PMPCA: variants seen among roughly 807,000 people sequenced by gnomAD.
PMPCA encodes peptidase, mitochondrial processing subunit alpha.
Under a neutral mutation model 59.3 loss-of-function variants are expected in PMPCA, and 47 were observed. The observed-to-expected ratio is 0.79, with a 90% confidence interval of 0.63 to 1.01. The LOEUF (loss-of-function observed/expected upper bound fraction) is 1.01, where lower values mean the gene tolerates loss of function less well. Ranked by LOEUF, PMPCA falls within the 50% of genes least tolerant of loss-of-function variation. The pLI is 0.00. For synonymous variants in PMPCA, 338 were observed against 290.3 expected (o/e 1.16, Z -1.67); for missense variants, 726 against 704.5 (o/e 1.03, Z -0.34).
rs1178224732 is a variant in PMPCA, at chr9:136,414,598, C to T, written c.483C>T (p.Asp161=). The change falls in exon 5 of 13, where the codon GAC becomes GAT. Residue 161 remains aspartate (D), a synonymous_variant. Coordinates refer to ENST00000371717, the MANE Select transcript of PMPCA (RefSeq NM_015160.3). ...TGTCTGCTGATAGCAAAGGCTTGGA[C>T]ACGGTGGTTGCCTTACTGGCTGATG... ...YAVSADSKGL[D]TVVALLADVV... The T allele has an allele frequency of 6.2e-7, 1 of 1,613,778 alleles. No homozygotes were observed. The highest frequency in any genetic ancestry group is 1.7e-5 in the Admixed American group (1 of 60,026).
At chr9:136,411,706 T>TA (rs1450748927) in intron 1 of PMPCA, among the ~76,000 whole-genome samples, 1 of 152,238 alleles carries the variant, frequency 6.6e-6, no homozygotes, top group African/African-American at 2.4e-5. Context: ...GCAGAGCTGT[T>TA]AAGTGCTTTA....
chr9:136,410,693 A>G lies in PMPCA; in HGVS notation c.25A>G (p.Thr9Ala), dbSNP rs1835070193. ...GATGGCGGCTGTGGTGCTGGCGGCG[A>G]CGCGGTTGCTGCGGGGCTCGGGTTC... MAAVVLAA[T>A]RLLRGSGSWG... is the part of the protein sequence containing the mutation. The change falls in exon 1 of 13, where the codon ACG becomes GCG. Residue 9 changes from threonine (T) to alanine (A), a missense_variant. Physicochemically the swap from Thr to Ala is moderately conservative, Grantham distance 58. Transcript: ENST00000371717. 1 of 1,417,212 alleles carries G rather than the reference A, an allele frequency of 7.1e-7. No individual in the cohort carries two copies. 87.8% of individuals were successfully genotyped at this position (1,417,212 alleles called of 1,614,324 possible).
At chr9:136,416,915 C>T (rs758366041) in intron 6 of PMPCA, 36 bp from the exon 7 acceptor site, 10 of 1,576,208 alleles carry the variant, frequency 6.3e-6, no homozygotes, top group Non-Finnish European at 6.9e-6. Context: ...GTCATGCTGT[C>T]TTCAGTCACC....
chr9:136,416,308 A>G lies in PMPCA; in HGVS notation c.550A>G (p.Thr184Ala). 6.2e-7 allele frequency: 1 copy of G among 1,613,676 alleles called. No individual in the cohort carries two copies. Among genetic ancestry groups the G allele is most frequent in the South Asian group, 1.1e-5 (1 of 91,052 alleles). Residue 184 changes from threonine (T) to alanine (A), a missense_variant, in exon 6 of 13, where the codon ACG becomes GCG. Transcript: ENST00000371717. The stretch of plus-strand genomic sequence containing the variant: ...TCTTGCAGATGAAGAAGTCGAGATG[A>G]CGCGGATGGCGGTCCAGTTTGAGCT... ...PRLTDEEVEM[T>A]RMAVQFELED...
intron 8 of PMPCA, among the ~76,000 whole-genome samples, 200 bp downstream of exon 8, chr9:136,418,309 C>T (rs896411106): frequency 7.3e-5 from 11 of 150,962 alleles, no homozygotes; most frequent in African/African-American, 2.0e-4. Context: ...CTGTCCCTGG[C>T]GTCTGACGGC....
In PMPCA at chr9:136,419,026, T is replaced by G. The variant is rs1835368615; in HGVS notation, c.1201-18T>G. The G allele has an allele frequency of 1.2e-6, 2 of 1,613,052 alleles. No individual in the cohort carries two copies. The highest frequency in any genetic ancestry group is 1.1e-5 in the South Asian group (1 of 91,068). On this transcript the variant is annotated intron_variant, in intron 10 of 12. Transcript: ENST00000371717. ...GCAGGCGCAGGCCACACTGTTATCG[T>G]CTTGCCCTTCTTCGCAGGTTCGAGA...
rs145113059 is a variant in PMPCA, at chr9:136,423,464, C to T, written c.*200C>T. 9 of 587,408 alleles carry T rather than the reference C, an allele frequency of 1.5e-5. No individual in the cohort carries two copies. Among genetic ancestry groups the T allele is most frequent in the Middle Eastern group, 9.3e-4 (2 of 2,142 alleles). The allele number at this position is 587,408 out of a possible 1,614,324, so 36.4% of individuals were successfully genotyped here. On this transcript the variant is annotated 3_prime_UTR_variant, in exon 13 of 13. Coordinates refer to ENST00000371717, the MANE Select transcript of PMPCA (RefSeq NM_015160.3). ...TGGAGTCAGTATCGAGCCTGACCAC[C>T]GCAAGCCAGGAAGCAGGTGAAGTGC...
Position 136,417,211 on chromosome 9 carries a change from C to T in PMPCA, c.894C>T (p.Ala298=). Residue 298 remains alanine (A), a synonymous_variant, in exon 7 of 13, where the codon GCC becomes GCT. Transcript: ENST00000371717. ...TGGCCCAGTACACTGGGGGGATTGC[C>T]AAGGTGAAGTAGCGGGAACGTCTCA... The part of the protein sequence containing the change: ...RSVAQYTGGI[A]KLERDMSNVS... 6.4e-7 allele frequency: 1 copy of T among 1,570,336 alleles called. No homozygotes were observed. The highest frequency in any genetic ancestry group is 8.7e-7 in the Non-Finnish European group (1 of 1,152,180).
rs1156902497 is a variant in PMPCA at position 136,422,470 on chromosome 9, C to A, written c.1408+494C>A. On this transcript the variant is annotated intron_variant, in intron 12 of 12. Transcript: ENST00000371717. ...ATGTGCATCGGACTCTTCTGGGGGA[C>A]AGGCTTAAAACCTGGCAAGGCTGCC... 3 of 1,046,858 alleles carry A rather than the reference C, an allele frequency of 2.9e-6. No homozygotes were observed. The East Asian group carries it at 2.6e-4, about 92-fold the overall frequency. The allele number at this position is 1,046,858 out of a possible 1,614,324, so 64.8% of individuals were successfully genotyped here.
At chr9:136,411,286 G>T (rs1197879223) in intron 1 of PMPCA, 1 of 153,816 alleles carries the variant, frequency 6.5e-6, no homozygotes, top group Admixed American at 6.5e-5. Flanking sequence ...GGGTGCGGAG[G>T]TGCTGCCTCC....
chr9:136,417,771 GT>G (rs61320665), intron 7 of PMPCA, among the ~76,000 whole-genome samples: 41,543 of 146,498 alleles, frequency 0.28, 5,753 homozygotes, highest in African/African-American at 0.3. Flanking sequence ...ATATACATAT[GT>G]TTTTTTTTTT....
In PMPCA at chr9:136,410,718, C is replaced by A; in HGVS notation, c.50C>A (p.Ser17Tyr). The part of the protein sequence containing the change: ...AATRLLRGSG[S>Y]WGCSRLRFGP... ...ACGCGGTTGCTGCGGGGCTCGGGTT[C>A]TTGGGGCTGTTCGCGGCTGAGGTGA... is the stretch of plus-strand genomic sequence containing the variant. The change falls in exon 1 of 13, where the codon TCT (serine) becomes TAT (tyrosine). Residue 17 changes from serine to tyrosine, a missense_variant. By Grantham distance (144) the Ser-to-Tyr change is moderately radical (BLOSUM62 -2). Coordinates refer to ENST00000371717, the MANE Select transcript of PMPCA (RefSeq NM_015160.3). 1 of 1,431,624 alleles carries A rather than the reference C, an allele frequency of 7.0e-7. No homozygotes were observed. The highest frequency in any genetic ancestry group is 9.1e-7 in the Non-Finnish European group (1 of 1,098,324). The allele number at this position is 1,431,624 out of a possible 1,614,324, so 88.7% of individuals were successfully genotyped here.
rs761076725 is a variant in PMPCA at position 136,416,538 on chromosome 9, C to T, written c.633+147C>T. 1.0e-4 allele frequency: 72 copies of T among 695,716 alleles called. No homozygotes were observed. The South Asian group carries it at 1.1e-3, about 11-fold the overall frequency. The allele number at this position is 695,716 out of a possible 1,614,324, so 43.1% of individuals were successfully genotyped here. On this transcript the variant is annotated intron_variant, in intron 6 of 12. Coordinates refer to ENST00000371717, the MANE Select transcript of PMPCA (RefSeq NM_015160.3). Reference sequence around the variant, plus strand: ...TTTTTTGTTTTTTGAGATGAGGTTTCTCCACATTGCCTACGCTGGTCTTGC... The same window carrying T: ...TTTTTTGTTTTTTGAGATGAGGTTTTTCCACATTGCCTACGCTGGTCTTGC...
chr9:136,413,626 A>T (rs1171180484), intron 4 of PMPCA, among the ~76,000 whole-genome samples: 1 of 152,174 alleles, frequency 6.6e-6, no homozygotes, highest in East Asian at 1.9e-4. Flanking sequence ...CCTGACTCCC[A>T]GCTGCCCCTG....
At chr9:136,421,154 GC>G (rs1424666808) in intron 11 of PMPCA, among the ~76,000 whole-genome samples, 1 of 152,224 alleles carries the variant, frequency 6.6e-6, no homozygotes, top group Admixed American at 6.5e-5. Flanking sequence ...GTCTGGGGAA[GC>G]CCCAGAACCT....
At chr9:136,422,855 G>T (rs1402712834) in intron 12 of PMPCA, 2 of 1,335,712 alleles carry the variant, frequency 1.5e-6, no homozygotes, top group African/African-American at 1.5e-5. Flanking sequence ...TTCTTGGGTG[G>T]CTTTGTCCTA....
Position 136,422,769 on chromosome 9 carries a change from G to T in PMPCA, c.1409-326G>T, listed in dbSNP as rs1835494667. 16 of 1,133,890 alleles carry T rather than the reference G, an allele frequency of 1.4e-5. No individual in the cohort carries two copies. In the South Asian group the frequency reaches 3.4e-4, roughly 24 times the overall value. The allele number at this position is 1,133,890 out of a possible 1,614,324, so 70.2% of individuals were successfully genotyped here. A position where few individuals can be genotyped will look rare whatever the true frequency, so the allele number is the denominator to read the frequency against. ...CCTTCTGTCCATGCGGCCCTCGGGG[G>T]CTGGGGGTTTTTTCTGCAGGCCGTC... On this transcript the variant is annotated intron_variant, in intron 12 of 12. Transcript: ENST00000371717.
Position 136,423,290 on chromosome 9 carries a change from A to C in PMPCA, c.*26A>C, listed in dbSNP as rs773864489. 2.5e-6 allele frequency: 4 copies of C among 1,594,734 alleles called. No homozygotes were observed. In the East Asian group the frequency reaches 9.0e-5, roughly 36 times the overall value. On this transcript the variant is annotated 3_prime_UTR_variant, in exon 13 of 13. Transcript: ENST00000371717. ...AACCGCTCCCCGGCCTGACAGACCCAGGGAGCTGCAGCTGGAGCCCGTTCC... is the reference window on the plus strand; with the variant it reads ...AACCGCTCCCCGGCCTGACAGACCCCGGGAGCTGCAGCTGGAGCCCGTTCC...
chr9:136,417,598 G>A (rs1209286326), intron 7 of PMPCA, among the ~76,000 whole-genome samples: 24 of 151,654 alleles, frequency 1.6e-4, no homozygotes, highest in East Asian at 9.7e-4. Context: ...TCAACTTCCC[G>A]AGTAGCTGGG....
Sources: gnomAD v4.1 joint callset for allele counts (sites outside exome capture counted in the v4.1 genomes callset) on GRCh38, gnomAD v4.1.1 for gene constraint, MANE v1.5 for transcripts, NCBI Gene and HGNC (gene_info 2026-07-23, HGNC 2026-07-21) for gene names.